The following SPHKAP variants were observed in gnomAD, a reference collection of about 807,000 sequenced individuals.
SPHKAP encodes A-kinase anchor protein SPHKAP.
In SPHKAP, 67 loss-of-function variants were observed where a neutral mutation model predicts 137.5. The ratio of observed to expected loss-of-function variants is 0.49; its 90% CI spans 0.40 to 0.60. SPHKAP has a LOEUF of 0.60. SPHKAP is among the 20% of genes least tolerant of loss of function. The probability of loss-of-function intolerance (pLI) is 0.00; values close to 1 mark genes in which losing one functional copy is unlikely to be tolerated. For missense variants in SPHKAP, 2,097 were observed against 2,069.3 expected (o/e 1.01, Z -0.26); for synonymous variants, 813 against 785.3 (o/e 1.04, Z -0.59).
intron 1 of SPHKAP, among the ~76,000 whole-genome samples, chr2:228,137,598 A>G (rs1322017243): frequency 6.6e-6 from 1 of 152,162 alleles, no homozygotes; most frequent in East Asian, 1.9e-4. Flanking sequence ...AAATGTAGTA[A>G]TTATAATTCA....
Position 228,017,446 on chromosome 2 carries a change from C to G in SPHKAP, c.3408G>C (p.Gln1136His). The change falls in exon 7 of 12, where the codon CAG (glutamine) becomes CAC (histidine). Residue 1136 changes from glutamine to histidine, a missense_variant. Coordinates refer to ENST00000392056, the MANE Select transcript of SPHKAP (RefSeq NM_001142644.2). ...CAAATCCTCTCCCTTCATTTTCCAT[C>G]TGGTTCACCATGAACCTGGAAAACT... is the stretch of plus-strand genomic sequence containing the variant. ...TDEFSRFMVN[Q>H]MENEGRGFEL... The G allele has an allele frequency of 6.2e-7, 1 of 1,613,992 alleles. No homozygotes were observed. Among genetic ancestry groups the G allele is most frequent in the Non-Finnish European group, 8.5e-7 (1 of 1,180,038 alleles).
At chr2:227,997,178 G>A (rs1001086099) in intron 7 of SPHKAP, among the ~76,000 whole-genome samples, 4 of 152,190 alleles carry the variant, frequency 2.6e-5, no homozygotes, top group Non-Finnish European at 4.4e-5. Context: ...AACTCTATCC[G>A]TTGTGGGCTC....
chr2:228,162,204 C>T (rs962928820), intron 1 of SPHKAP, among the ~76,000 whole-genome samples: 3 of 152,168 alleles, frequency 2.0e-5, no homozygotes, highest in African/African-American at 7.2e-5. Context: ...ACTTTCCTTC[C>T]AAACAAATGA....
At chr2:228,033,403 A>G (rs1055951252) in intron 3 of SPHKAP, among the ~76,000 whole-genome samples, 1 of 152,146 alleles carries the variant, frequency 6.6e-6, no homozygotes, top group Non-Finnish European at 1.5e-5. Flanking sequence ...CCTACAAAGA[A>G]ACTTAGATTC....
chr2:228,097,457 A>C (rs1483314599), intron 3 of SPHKAP, among the ~76,000 whole-genome samples: 1 of 152,178 alleles, frequency 6.6e-6, no homozygotes, highest in Non-Finnish European at 1.5e-5. Flanking sequence ...CAGATTATTG[A>C]CTGAGCACTT....
At position 228,032,387 on chromosome 2, in the gene SPHKAP, G is replaced by A. The variant is rs191314237; in HGVS notation, c.247-4844C>T. Among the ~76,000 whole-genome samples, 1,028 of 152,280 alleles carry A rather than the reference G, an allele frequency of 6.8e-3. 14 individuals are homozygous for A. The highest frequency in any genetic ancestry group is 0.023 in the African/African-American group (939 of 41,548). On this transcript the variant is annotated intron_variant, in intron 3 of 11. Transcript: ENST00000392056. ...CAAGAAATATGGCATTATGTGAAAA[G>A]ACCAAATCTACGTCTGATTGCTGTA...
chr2:227,981,899 A>AG (rs1693009213), intron 11 of SPHKAP, 39 bp from the exon 12 acceptor site: 4 of 1,588,038 alleles, frequency 2.5e-6, no homozygotes, highest in Non-Finnish European at 3.4e-6. Context: ...CAGAGCACAG[A>AG]GGGTCCTCAA....
intron 1 of SPHKAP, among the ~76,000 whole-genome samples, chr2:228,146,521 G>T (rs994469140): frequency 6.6e-6 from 1 of 152,066 alleles, no homozygotes; most frequent in East Asian, 1.9e-4. Context: ...CATCACCCAG[G>T]TATTAAGCCC....
At chr2:227,987,175 C>A (rs1187134063) in intron 11 of SPHKAP, among the ~76,000 whole-genome samples, 4 of 152,190 alleles carry the variant, frequency 2.6e-5, no homozygotes, top group Admixed American at 2.0e-4. Context: ...GGCTCCACTA[C>A]CAGAAAGTGA....
intron 2 of SPHKAP, chr2:228,131,199 C>T (rs6731359): frequency 1.6e-6 from 1 of 637,694 alleles, no homozygotes; most frequent in Admixed American, 6.3e-5. Context: ...TGCTTAGTAA[C>T]AGCATTTGTG....
chr2:228,127,942 T>C (rs1276563192), intron 2 of SPHKAP, among the ~76,000 whole-genome samples: 1 of 152,150 alleles, frequency 6.6e-6, no homozygotes, highest in Non-Finnish European at 1.5e-5. Flanking sequence ...AAATACATTG[T>C]AGCTAAAAAA....
At chr2:228,023,885 GCATGTGA>G (rs1355364967) in intron 5 of SPHKAP, among the ~76,000 whole-genome samples, 5 of 152,130 alleles carry the variant, frequency 3.3e-5, no homozygotes, top group African/African-American at 4.8e-5. Context: ...TCAGAAATGG[GCATGTGA>G]CATATGAGAG....
chr2:227,992,271 GAA>G (rs1693442275), intron 9 of SPHKAP, among the ~76,000 whole-genome samples: 2 of 152,204 alleles, frequency 1.3e-5, no homozygotes. Flanking sequence ...GATGTTGAGA[GAA>G]AGAGTATAGT....
At chr2:228,102,799 A>G (rs538697283) in intron 3 of SPHKAP, among the ~76,000 whole-genome samples, 3 of 152,128 alleles carry the variant, frequency 2.0e-5, no homozygotes, top group Admixed American at 6.5e-5. Flanking sequence ...CTGGAGTGCA[A>G]TGGTGTGATT....
intron 3 of SPHKAP, among the ~76,000 whole-genome samples, chr2:228,077,451 T>A (rs1206686242): frequency 2.0e-5 from 3 of 152,156 alleles, no homozygotes; most frequent in Non-Finnish European, 2.9e-5. Flanking sequence ...ACCCACCTCT[T>A]GCATCAGTGT....
chr2:228,063,704 G>A (rs1373508570), intron 3 of SPHKAP, among the ~76,000 whole-genome samples: 3 of 152,160 alleles, frequency 2.0e-5, no homozygotes, highest in Admixed American at 2.0e-4. Context: ...ATGACAAAGT[G>A]TTGTAGAGAG....
intron 3 of SPHKAP, among the ~76,000 whole-genome samples, chr2:228,066,390 C>A (rs942209890): frequency 1.3e-5 from 2 of 152,140 alleles, no homozygotes; most frequent in Admixed American, 1.3e-4. Flanking sequence ...TCTTTTTGTA[C>A]CTTCCAGCCT....
At chr2:228,071,945 G>A (rs1252057214) in intron 3 of SPHKAP, among the ~76,000 whole-genome samples, 2 of 152,148 alleles carry the variant, frequency 1.3e-5, no homozygotes, top group African/African-American at 2.4e-5. Flanking sequence ...TGCCTTCTAC[G>A]GAACCTATCT....
At chr2:228,170,904 G>A (rs891803471) in intron 1 of SPHKAP, among the ~76,000 whole-genome samples, 2 of 152,044 alleles carry the variant, frequency 1.3e-5, no homozygotes, top group African/African-American at 2.4e-5. Context: ...AAAAACACAA[G>A]TTAGAACTCA....
Sources: gnomAD v4.1 joint callset for allele counts (sites outside exome capture counted in the v4.1 genomes callset) on GRCh38, gnomAD v4.1.1 for gene constraint, MANE v1.5 for transcripts, NCBI Gene and HGNC (gene_info 2026-07-23, HGNC 2026-07-21) for gene names.